The following ZNF536 variants were observed in gnomAD, a reference collection of about 807,000 sequenced individuals.
The protein encoded by ZNF536 is zinc finger protein 536.
ZNF536 carries 13 observed loss-of-function variants against 84.5 expected under a neutral mutation model. The ratio of observed to expected loss-of-function variants is 0.15; its 90% CI spans 0.10 to 0.24. ZNF536 has a LOEUF of 0.24. Ranked by LOEUF, ZNF536 falls within the 10% of genes least tolerant of loss-of-function variation. The pLI is 1.00. For missense variants in ZNF536, 1,536 were observed against 1,747.5 expected, an observed-to-expected ratio of 0.88 and a Z score of 2.16; for synonymous variants, 811 against 742.5, an observed-to-expected ratio of 1.09 and a Z score of -1.50.
chr19:30,705,284 G>A (rs1489441769), intron 1 of ZNF536, among the ~76,000 whole-genome samples: 2 of 151,744 alleles, frequency 1.3e-5, no homozygotes, highest in African/African-American at 2.4e-5. Context: ...TCTCATGGGA[G>A]CCTTTCAGCA....
intron 1 of ZNF536, among the ~76,000 whole-genome samples, chr19:30,626,360 T>G (rs1015119633): frequency 7.3e-6 from 1 of 136,852 alleles, no homozygotes; most frequent in African/African-American, 2.5e-5. Context: ...CTGGGGGTTA[T>G]TTTTTTTTTC....
At chr19:30,423,690 C>T (rs1483719921) in intron 1 of ZNF536, among the ~76,000 whole-genome samples, 1 of 152,232 alleles carries the variant, frequency 6.6e-6, no homozygotes, top group Non-Finnish European at 1.5e-5. Context: ...CTCAATGTGT[C>T]CCCAGCCGCT....
At chr19:30,346,266 G>A (rs1259863721) in intron 2 of ZNF536, among the ~76,000 whole-genome samples, 1 of 152,146 alleles carries the variant, frequency 6.6e-6, no homozygotes, top group East Asian at 1.9e-4. Context: ...TCGGGAAAAG[G>A]ATTCTGCTAC....
At chr19:30,697,385 C>G (rs2051706085) in intron 1 of ZNF536, among the ~76,000 whole-genome samples, 1 of 152,218 alleles carries the variant, frequency 6.6e-6, no homozygotes, top group Non-Finnish European at 1.5e-5. Context: ...ATGCACATCT[C>G]CCATTTGAAG....
At chr19:30,666,514 A>C (rs2050326115) in intron 1 of ZNF536, among the ~76,000 whole-genome samples, 1 of 151,944 alleles carries the variant, frequency 6.6e-6, no homozygotes, top group Non-Finnish European at 1.5e-5. Flanking sequence ...CGGCCTCTGC[A>C]CAGAAGTGGA....
At chr19:30,238,209 A>G (rs2023678248) in intron 1 of ZNF536, among the ~76,000 whole-genome samples, 1 of 152,186 alleles carries the variant, frequency 6.6e-6, no homozygotes, top group Admixed American at 6.5e-5. Context: ...GGCTTCAGTC[A>G]TCTGCAGAGC....
At chr19:30,483,963 G>A (rs2054191505) in intron 2 of ZNF536, among the ~76,000 whole-genome samples, 1 of 151,820 alleles carries the variant, frequency 6.6e-6, no homozygotes, top group African/African-American at 2.4e-5. Context: ...CTCTCTACTG[G>A]AAATCCCCCT....
chr19:30,538,005 A>G (rs1173350121), intron 3 of ZNF536, among the ~76,000 whole-genome samples: 3 of 152,248 alleles, frequency 2.0e-5, no homozygotes, highest in Non-Finnish European at 4.4e-5. Flanking sequence ...AAAGTGTTAC[A>G]TGTTATAAAT....
intron 2 of ZNF536, among the ~76,000 whole-genome samples, chr19:30,338,978 C>G (rs922248934): frequency 1.2e-4 from 18 of 152,148 alleles, no homozygotes; most frequent in African/African-American, 4.3e-4. Context: ...CCCAGGTTGC[C>G]TGCTCTTCCC....
intron 2 of ZNF536, among the ~76,000 whole-genome samples, chr19:30,528,375 T>C (rs555778450): frequency 6.6e-6 from 1 of 152,356 alleles, no homozygotes; most frequent in South Asian, 2.1e-4. Context: ...GTCCTCTCAC[T>C]CTGCCTCTTT....
intron 3 of ZNF536, among the ~76,000 whole-genome samples, chr19:30,540,971 T>A (rs2045306813): frequency 6.6e-6 from 1 of 152,210 alleles, no homozygotes; most frequent in African/African-American, 2.4e-5. Context: ...ACAGCGAGGT[T>A]AGGGGTGAGG....
chr19:30,630,415 G>C (rs943866280), intron 1 of ZNF536, among the ~76,000 whole-genome samples: 2 of 152,098 alleles, frequency 1.3e-5, no homozygotes, highest in Non-Finnish European at 2.9e-5. Context: ...GTGTGTGTGT[G>C]TGTGTGTGTG....
intron 2 of ZNF536, among the ~76,000 whole-genome samples, chr19:30,456,313 T>TC (rs919644089): frequency 2.0e-5 from 3 of 148,024 alleles, no homozygotes; most frequent in African/African-American, 7.5e-5. Context: ...CTTTTCTTTT[T>TC]TTTTTTTTTT....
At chr19:30,378,876 G>C (rs1240844629) in intron 1 of ZNF536, among the ~76,000 whole-genome samples, 3 of 152,204 alleles carry the variant, frequency 2.0e-5, no homozygotes, top group African/African-American at 7.2e-5. Context: ...GGCCTCCTGT[G>C]TGCAAAACGC....
intron 1 of ZNF536, among the ~76,000 whole-genome samples, chr19:30,610,899 A>G (rs2048081972): frequency 6.6e-6 from 1 of 152,164 alleles, no homozygotes; most frequent in Admixed American, 6.5e-5. Flanking sequence ...CCTCTACCAA[A>G]TGGAGCATTG....
intron 2 of ZNF536, among the ~76,000 whole-genome samples, chr19:30,487,099 TC>T (rs1311967718): frequency 2.0e-5 from 3 of 152,218 alleles, no homozygotes; most frequent in African/African-American, 7.2e-5. Flanking sequence ...GGTTGAAAGA[TC>T]TGTAGAAGAC....
chr19:30,332,986 G>A (rs1421735412), intron 2 of ZNF536, among the ~76,000 whole-genome samples: 1 of 152,108 alleles, frequency 6.6e-6, no homozygotes, highest in African/African-American at 2.4e-5. Context: ...GGAGGCTGAG[G>A]CGGGAGGATA....
At chr19:30,402,823 A>AT (rs71171802) in intron 1 of ZNF536, among the ~76,000 whole-genome samples, 2 of 138,336 alleles carry the variant, frequency 1.4e-5, no homozygotes, top group Admixed American at 7.2e-5. Flanking sequence ...ATATATATAT[A>AT]ATTTTCAAAA....
chr19:30,240,838 G>A lies in ZNF536; in HGVS notation c.-190+12165G>A, dbSNP rs2023890464. Among the ~76,000 whole-genome samples the A allele has an allele frequency of 2.0e-5, 3 of 152,352 alleles. No homozygotes were observed. In the South Asian group the frequency reaches 6.2e-4, roughly 32 times the overall value. On this transcript the variant is annotated intron_variant, in intron 1 of 5. Coordinates refer to the ZNF536 transcript ENST00000585628. ...TGGACGGAACAGCAAGAATACAGGTGTGACAGTAGGAACTGCTGCGGCAAT... is the reference window on the plus strand; with the variant it reads ...TGGACGGAACAGCAAGAATACAGGTATGACAGTAGGAACTGCTGCGGCAAT...
Sources: gnomAD v4.1 joint callset for allele counts (sites outside exome capture counted in the v4.1 genomes callset) on GRCh38, gnomAD v4.1.1 for gene constraint, MANE v1.5 for transcripts, NCBI Gene and HGNC (gene_info 2026-07-23, HGNC 2026-07-21) for gene names.